CFLAR: variants seen among roughly 807,000 people sequenced by gnomAD.
CFLAR encodes CASP8 and FADD like apoptosis regulator.
In CFLAR, 14 loss-of-function variants were observed where a neutral mutation model predicts 51.1. That is an observed-to-expected ratio of 0.27 (90% CI 0.18 to 0.43). The LOEUF (loss-of-function observed/expected upper bound fraction) is 0.43. Ranked by LOEUF, CFLAR falls within the 20% of genes least tolerant of loss-of-function variation. The pLI is 1.00. For missense variants in CFLAR, 390 were observed against 566.5 expected, an observed-to-expected ratio of 0.69 and a Z score of 3.16; for synonymous variants, 210 against 211.6, an observed-to-expected ratio of 0.99 and a Z score of 0.06.
chr2:201,149,574 T>C (rs1940898195), intron 7 of CFLAR, 180 bp from the exon 8 acceptor site: 2 of 539,486 alleles, frequency 3.7e-6, no homozygotes, highest in Non-Finnish European at 6.6e-6. Flanking sequence ...CACATTACCC[T>C]AATAGAGGAA....
chr2:201,141,562 CTAA>C, intron 5 of CFLAR: 1 of 1,308,030 alleles, frequency 7.6e-7, no homozygotes, highest in Non-Finnish European at 9.8e-7. Flanking sequence ...TTTGTTACTA[CTAA>C]TAATGCTATA....
rs866657011 is a variant in CFLAR, at chr2:201,125,763, C to A, written c.-137-3966C>A. Among the ~76,000 whole-genome samples the A allele has an allele frequency of 4.0e-4, 61 of 152,180 alleles. No homozygotes were observed. In the Middle Eastern group the frequency reaches 0.014, roughly 34 times the overall value. ...AAACTGTTGAGCAGCCGTAGGGGCCCAGCTCAGGAAACCACCAGGGTGTGG... is the reference window on the plus strand; with the variant it reads ...AAACTGTTGAGCAGCCGTAGGGGCCAAGCTCAGGAAACCACCAGGGTGTGG... On this transcript the variant is annotated intron_variant, in intron 1 of 9. Coordinates refer to ENST00000309955, the MANE Select transcript of CFLAR (RefSeq NM_003879.7).
chr2:201,121,712 G>A (rs952132376), intron 1 of CFLAR, among the ~76,000 whole-genome samples: 3 of 152,166 alleles, frequency 2.0e-5, no homozygotes, highest in African/African-American at 7.2e-5. Flanking sequence ...TAGTTACAAT[G>A]GAGAATCTGT....
rs1942888806 is a variant in CFLAR at position 201,160,700 on chromosome 2, G to A, written c.1062G>A (p.Met354Ile). The change falls in exon 9 of 10, where the codon ATG becomes ATA. Residue 354 changes from methionine to isoleucine, a missense_variant. By Grantham distance (10) the Met-to-Ile change is conservative. This residue lies in a region of CFLAR where 287 missense variants were observed against 363.6 expected (regional missense o/e 0.79). Transcript: ENST00000309955. ...SCPYLAGKPK[M>I]FFIQNYVVSE... ...CTTATCTAGCAGGGAAGCCAAAGAT[G>A]TTTTTTATTCAGAACTATGTGGTGT... 2 of 1,614,140 alleles carry A rather than the reference G, an allele frequency of 1.2e-6. No individual in the cohort carries two copies. Among genetic ancestry groups the A allele is most frequent in the Admixed American group, 1.7e-5 (1 of 60,020 alleles).
At chr2:201,122,973 T>A (rs2125609212) in intron 1 of CFLAR, among the ~76,000 whole-genome samples, 1 of 152,348 alleles carries the variant, frequency 6.6e-6, no homozygotes, top group East Asian at 1.9e-4. Context: ...AGCTATCTCC[T>A]GCAGGACCAC....
chr2:201,117,086 G>A (rs1212652568), intron 1 of CFLAR: 2 of 152,184 alleles, frequency 1.3e-5, no homozygotes, highest in African/African-American at 2.4e-5. Flanking sequence ...AATTGTGTAT[G>A]CGCTCGATCT....
intron 4 of CFLAR, chr2:201,136,360 A>G (rs764074315): frequency 8.1e-6 from 13 of 1,598,380 alleles, no homozygotes; most frequent in Admixed American, 1.7e-5. Flanking sequence ...TCAGTCTTCA[A>G]GAAAGAATCT....
intron 1 of CFLAR, among the ~76,000 whole-genome samples, chr2:201,128,377 C>CA (rs1284816166): frequency 5.3e-5 from 8 of 152,246 alleles, no homozygotes; most frequent in Admixed American, 3.9e-4. Flanking sequence ...TTTCCACTTT[C>CA]ATTGAGCACA....
rs949607543 is a variant in CFLAR, at chr2:201,175,777, ACCGAGGCAAGTTT to A, written c.*11806_*11818del. 1 of 151,928 alleles carries A rather than the reference ACCGAGGCAAGTTT, an allele frequency of 6.6e-6. No individual in the cohort carries two copies. The highest frequency in any genetic ancestry group is 2.4e-5 in the African/African-American group (1 of 41,362). 9.4% of individuals were successfully genotyped at this position (151,928 alleles called of 1,614,324 possible). ...TGAGGGGCATAAGGCAGAAGGAGGG[ACCGAGGCAAGTTT>A]CAGAGCAACAGTGAAAGTTTATTAC... On this transcript the variant is annotated 3_prime_UTR_variant, in exon 10 of 10. Coordinates refer to ENST00000309955, the MANE Select transcript of CFLAR (RefSeq NM_003879.7).
At chr2:201,140,554 G>C in intron 5 of CFLAR, 115 bp downstream of exon 5, 1 of 732,124 alleles carries the variant, frequency 1.4e-6, no homozygotes, top group Non-Finnish European at 2.2e-6. Context: ...AATTGTGATA[G>C]AAATGTGTAT....
At chr2:201,162,271 T>A (rs1424028596) in intron 9 of CFLAR, among the ~76,000 whole-genome samples, 1 of 151,796 alleles carries the variant, frequency 6.6e-6, no homozygotes, top group Non-Finnish European at 1.5e-5. Flanking sequence ...GCTTTGCTAA[T>A]TTTTGTATTT....
chr2:201,120,023 CTTTTTTTTT>C (rs34076189), intron 1 of CFLAR, among the ~76,000 whole-genome samples: 1 of 112,352 alleles, frequency 8.9e-6, no homozygotes, highest in African/African-American at 3.7e-5. Context: ...CTTTTCTTTT[CTTTTTTTTT>C]TTTTTTTTTT....
intron 6 of CFLAR, chr2:201,146,157 T>A (rs993203360): frequency 6.6e-6 from 1 of 151,460 alleles, no homozygotes; most frequent in Non-Finnish European, 1.5e-5. Context: ...TTTTCTTTTC[T>A]TTTTTTTGAG....
At chr2:201,139,922 C>A in intron 4 of CFLAR, 1 of 168,594 alleles carries the variant, frequency 5.9e-6, no homozygotes, top group Non-Finnish European at 1.3e-5. Context: ...CTCGTTCCAC[C>A]TAACGAGAAA....
At chr2:201,155,763 A>G (rs1942071652) in intron 8 of CFLAR, among the ~76,000 whole-genome samples, 1 of 151,950 alleles carries the variant, frequency 6.6e-6, no homozygotes. Context: ...AGCTGGAACT[A>G]CACACAGGCG....
intron 2 of CFLAR, among the ~76,000 whole-genome samples, chr2:201,132,431 AT>A (rs375751140): frequency 0.028 from 1,944 of 68,670 alleles, 18 homozygotes; most frequent in Non-Finnish European, 0.035. Context: ...GGGGGGAAAA[AT>A]ATATATATAT....
At chr2:201,121,771 C>T (rs1182303797) in intron 1 of CFLAR, among the ~76,000 whole-genome samples, 3 of 152,160 alleles carry the variant, frequency 2.0e-5, no homozygotes, top group Non-Finnish European at 2.9e-5. Flanking sequence ...TAATTTAAGC[C>T]AATCTTGTCT....
At chr2:201,155,306 A>G (rs1217756059) in intron 8 of CFLAR, among the ~76,000 whole-genome samples, 1 of 151,328 alleles carries the variant, frequency 6.6e-6, no homozygotes, top group East Asian at 1.9e-4. Context: ...TCTGTCACCC[A>G]GGCTACTGGA....
chr2:201,160,361 T>G, intron 8 of CFLAR, 71 bp from the exon 9 acceptor site: 1 of 1,484,286 alleles, frequency 6.7e-7, no homozygotes, highest in South Asian at 1.2e-5. Context: ...ATGTCTAGGA[T>G]TCCTACCCAG....
Sources: allele counts gnomAD v4.1 joint callset (sites outside exome capture counted in the v4.1 genomes callset), GRCh38; gene constraint gnomAD v4.1.1; regional missense constraint gnomAD v4.1.1; transcripts MANE v1.5; gene names NCBI Gene and HGNC (gene_info 2026-07-23, HGNC 2026-07-21).